PALS1: variants seen among roughly 807,000 people sequenced by gnomAD.
PALS1 encodes protein PALS1.
Under a neutral mutation model 78.9 loss-of-function variants are expected in PALS1, and 31 were observed. That is an observed-to-expected ratio of 0.39 (90% CI 0.30 to 0.53). The LOEUF (loss-of-function observed/expected upper bound fraction) is 0.53. PALS1 is among the 20% of genes least tolerant of loss of function. The probability of loss-of-function intolerance (pLI) is 0.67; values close to 1 mark genes in which losing one functional copy is unlikely to be tolerated. For missense variants in PALS1, 704 were observed against 826.5 expected, an observed-to-expected ratio of 0.85 and a Z score of 1.82; for synonymous variants, 276 against 270.9, an observed-to-expected ratio of 1.02 and a Z score of -0.18.
intron 2 of PALS1, among the ~76,000 whole-genome samples, chr14:67,274,937 GTA>G (rs1364580743): frequency 1.3e-5 from 2 of 152,196 alleles, no homozygotes; most frequent in Non-Finnish European, 2.9e-5. Context: ...TGTTATTGGT[GTA>G]TAAGAATGCT....
chr14:67,301,557 A>G (rs2084933180), intron 5 of PALS1, 91 bp downstream of exon 5: 8 of 745,820 alleles, frequency 1.1e-5, no homozygotes, highest in South Asian at 2.6e-5. Context: ...AGAGATGTCA[A>G]ACATTCTCTA....
chr14:67,279,087 TGGA>T lies in PALS1; in HGVS notation c.-83_-81del. On this transcript the variant is annotated 5_prime_UTR_variant, in exon 3 of 15. An upstream start codon of the reference 5' UTR is lost. Transcript: ENST00000261681. ...AGAAGTTTTTTTTTTTGAAGTAACA[TGGA>T]TTTTATACTACAGAATCAAGAGAAT... 2 of 1,256,552 alleles carry T rather than the reference TGGA, an allele frequency of 1.6e-6. No individual in the cohort carries two copies. The highest frequency in any genetic ancestry group is 1.5e-5 in the African/African-American group (1 of 65,492). The allele number at this position is 1,256,552 out of a possible 1,614,324, so 77.8% of individuals were successfully genotyped here.
At position 67,321,256 on chromosome 14, in the gene PALS1, A is replaced by G. The variant is rs756166067; in HGVS notation, c.1737A>G (p.Thr579=). The G allele has an allele frequency of 2.5e-6, 4 of 1,613,976 alleles. No homozygotes were observed. Among genetic ancestry groups the G allele is most frequent in the Non-Finnish European group, 3.4e-6 (4 of 1,179,872 alleles). Residue 579 remains threonine (T), a synonymous_variant, in exon 13 of 15, where the codon ACA becomes ACG. Coordinates refer to ENST00000261681, the MANE Select transcript of PALS1 (RefSeq NM_022474.4). ...SGKICLLSLR[T]QSLKTLRNSD... is the part of the protein sequence containing the mutation. ...AAATATGTCTTTTAAGTCTTCGTAC[A>G]CAGGTAAAGCTAGAACTTTGTTTTA...
chr14:67,283,980 T>G (rs1481954134), intron 3 of PALS1, among the ~76,000 whole-genome samples: 1 of 152,202 alleles, frequency 6.6e-6, no homozygotes, highest in African/African-American at 2.4e-5. Context: ...AAAACTGAGT[T>G]TAAATACTTT....
At chr14:67,280,845 TTCCTTCCTTCCCTCCCTCCC>T (rs2084594591) in intron 3 of PALS1, among the ~76,000 whole-genome samples, 3 of 113,322 alleles carry the variant, frequency 2.6e-5, no homozygotes, top group South Asian at 5.5e-4. Flanking sequence ...CCTTCCTTCC[TTCCTTCCTTCCCTCCCTCCC>T]TCCCTCCCTC....
At chr14:67,317,932 A>G (rs2085202910) in intron 11 of PALS1, among the ~76,000 whole-genome samples, 1 of 152,236 alleles carries the variant, frequency 6.6e-6, no homozygotes, top group Admixed American at 6.5e-5. Flanking sequence ...TCTTAAAATC[A>G]AAAGCTCTGA....
Position 67,279,252 on chromosome 14 carries a change from G to C in PALS1, c.82G>C (p.Glu28Gln), listed in dbSNP as rs1345929803. The C allele has an allele frequency of 6.2e-7, 1 of 1,613,864 alleles. No individual in the cohort carries two copies. The highest frequency in any genetic ancestry group is 2.2e-5 in the East Asian group (1 of 44,872). ...VKNVDLASPE[E>Q]HQKHREMAVD... ...AAATGTTGATCTTGCATCACCAGAG[G>C]AACATCAGAAGCACCGAGAGATGGC... The change falls in exon 3 of 15, where the codon GAA (glutamate) becomes CAA (glutamine). Residue 28 changes from glutamate (E) to glutamine (Q), a missense_variant. Glu to Gln is a conservative substitution (Grantham distance 29, BLOSUM62 2). Transcript: ENST00000261681.
chr14:67,330,918 C>T (rs549700786), intron 14 of PALS1, among the ~76,000 whole-genome samples: 1 of 152,256 alleles, frequency 6.6e-6, no homozygotes, highest in South Asian at 2.1e-4. Flanking sequence ...TATTTTATGG[C>T]CCAACATCTG....
chr14:67,294,207 C>A (rs2084812233), intron 4 of PALS1, among the ~76,000 whole-genome samples: 1 of 152,054 alleles, frequency 6.6e-6, no homozygotes, highest in South Asian at 2.1e-4. Flanking sequence ...CTTTCACGTC[C>A]TTAGAGTAAC....
intron 1 of PALS1, among the ~76,000 whole-genome samples, chr14:67,263,468 C>T (rs139339837): frequency 1.6e-4 from 24 of 152,192 alleles, no homozygotes; most frequent in African/African-American, 5.8e-4. Flanking sequence ...AAGAGAATCT[C>T]TATGAACAAG....
intron 9 of PALS1, among the ~76,000 whole-genome samples, chr14:67,313,968 C>T (rs1455304659): frequency 6.8e-6 from 1 of 146,486 alleles, no homozygotes; most frequent in Admixed American, 6.8e-5. Context: ...AGAAAACAAA[C>T]AAAAATTAAA....
chr14:67,308,914 A>C (rs1402615007), intron 8 of PALS1, among the ~76,000 whole-genome samples: 1 of 152,120 alleles, frequency 6.6e-6, no homozygotes, highest in Non-Finnish European at 1.5e-5. Flanking sequence ...TGGATCCCTA[A>C]AAAACATGTA....
chr14:67,256,895 A>C (rs1555517326), intron 1 of PALS1, among the ~76,000 whole-genome samples: 1 of 152,146 alleles, frequency 6.6e-6, no homozygotes, highest in Non-Finnish European at 1.5e-5. Context: ...TTACCAAAGA[A>C]TGTGGGTATT....
rs1416611725 is a variant in PALS1 at position 67,316,855 on chromosome 14, G to A, written c.1249G>A (p.Glu417Lys). Residue 417 changes from glutamate to lysine, a missense_variant, in exon 10 of 15, where the codon GAA becomes AAA. Coordinates refer to ENST00000261681, the MANE Select transcript of PALS1 (RefSeq NM_022474.4). Reference sequence around the variant, plus strand: ...AGGGAAAAGCTTTCAGCAGCAAAGGGAAGCCATGAAACAAACCATAGAAGA... The same window carrying A: ...AGGGAAAAGCTTTCAGCAGCAAAGGAAAGCCATGAAACAAACCATAGAAGA... Reference protein sequence around the residue: ...VPGKSFQQQREAMKQTIEEDK... With the variant: ...VPGKSFQQQRKAMKQTIEEDK... 1.9e-6 allele frequency: 3 copies of A among 1,611,924 alleles called. No homozygotes were observed. Among genetic ancestry groups the A allele is most frequent in the Middle Eastern group, 1.7e-4 (1 of 6,050 alleles).
chr14:67,275,874 T>C (rs1364537846), intron 2 of PALS1, among the ~76,000 whole-genome samples: 1 of 152,204 alleles, frequency 6.6e-6, no homozygotes, highest in Non-Finnish European at 1.5e-5. Context: ...CAGGAATTTA[T>C]CCATTTCTTC....
chr14:67,247,937 A>C (rs1200032536), intron 1 of PALS1, among the ~76,000 whole-genome samples: 1 of 152,118 alleles, frequency 6.6e-6, no homozygotes, highest in Non-Finnish European at 1.5e-5. Flanking sequence ...AAATGATATT[A>C]GCTGTAGGTC....
chr14:67,279,278 T>C lies in PALS1; in HGVS notation c.108T>C (p.Ala36=). 6.2e-7 allele frequency: 1 copy of C among 1,613,240 alleles called. No homozygotes were observed. The highest frequency in any genetic ancestry group is 8.5e-7 in the Non-Finnish European group (1 of 1,179,760). ...PEEHQKHREM[A]VDCPGDLGTR... ...AACATCAGAAGCACCGAGAGATGGC[T>C]GTTGACTGCCCTGGAGATTTGGGCA... Residue 36 remains alanine, a synonymous_variant, in exon 3 of 15, where the codon GCT becomes GCC. Coordinates refer to ENST00000261681, the MANE Select transcript of PALS1 (RefSeq NM_022474.4).
chr14:67,311,178 G>A (rs1365922795), intron 8 of PALS1, among the ~76,000 whole-genome samples: 1 of 152,078 alleles, frequency 6.6e-6, no homozygotes, highest in East Asian at 1.9e-4. Flanking sequence ...GGGCGTTGTG[G>A]TGAGTGCCTG....
At chr14:67,321,454 A>C (rs1324388998) in intron 13 of PALS1, among the ~76,000 whole-genome samples, 195 bp downstream of exon 13, 1 of 152,178 alleles carries the variant, frequency 6.6e-6, no homozygotes, top group Non-Finnish European at 1.5e-5. Flanking sequence ...AAACATATAC[A>C]TACTTACATA....
Sources: allele counts gnomAD v4.1 joint callset (sites outside exome capture counted in the v4.1 genomes callset), GRCh38; gene constraint gnomAD v4.1.1; transcripts MANE v1.5; gene names NCBI Gene and HGNC (gene_info 2026-07-23, HGNC 2026-07-21).